The following CHRM5 variants were observed in gnomAD, a reference collection of about 807,000 sequenced individuals.
CHRM5 encodes cholinergic receptor muscarinic 5.
CHRM5 carries 18 observed loss-of-function variants against 39.0 expected under a neutral mutation model. The ratio of observed to expected loss-of-function variants is 0.46; its 90% confidence interval spans 0.32 to 0.68. CHRM5 has a LOEUF of 0.68. Ranked by LOEUF, CHRM5 falls within the 30% of genes least tolerant of loss-of-function variation. The probability of loss-of-function intolerance (pLI) is 0.04; values close to 1 mark genes in which losing one functional copy is unlikely to be tolerated. For missense variants in CHRM5, 515 were observed against 651.1 expected, an observed-to-expected ratio of 0.79 and a Z score of 2.28; for synonymous variants, 241 against 246.3, an observed-to-expected ratio of 0.98 and a Z score of 0.20.
chr15:34,054,361 A>T (rs1364170528), intron 2 of CHRM5, among the ~76,000 whole-genome samples: 1 of 152,200 alleles, frequency 6.6e-6, no homozygotes, highest in Admixed American at 6.5e-5. Flanking sequence ...TCATTCTATC[A>T]TAAAGATACA....
At chr15:34,059,964 A>G (rs1399039858) in intron 2 of CHRM5, among the ~76,000 whole-genome samples, 3 of 151,976 alleles carry the variant, frequency 2.0e-5, no homozygotes, top group Admixed American at 2.0e-4. Flanking sequence ...AAACATTCAA[A>G]TATTTAAGAG....
intron 1 of CHRM5, among the ~76,000 whole-genome samples, chr15:34,008,950 G>GCACACA (rs1491109996): frequency 2.5e-4 from 6 of 23,554 alleles, no homozygotes; most frequent in South Asian, 1.5e-3. Context: ...ACACGTGCGC[G>GCACACA]CGCGCACACA....
At position 33,969,763 on chromosome 15, in the gene CHRM5, C is replaced by T. The variant is rs889498823; in HGVS notation, c.-408+613C>T. ...ACTAAATGAAGACATTTTTCTGATT[C>T]AACAAGAGGATAAAAAGATGAAAGA... is the stretch of plus-strand genomic sequence containing the variant. On this transcript the variant is annotated intron_variant, in intron 1 of 2. Coordinates refer to ENST00000383263, the MANE Select transcript of CHRM5 (RefSeq NM_012125.4). Among the ~76,000 whole-genome samples, 5 of 151,908 alleles carry T rather than the reference C, an allele frequency of 3.3e-5. No homozygotes were observed. In the East Asian group the frequency reaches 9.6e-4, roughly 29 times the overall value.
At chr15:34,038,995 C>T (rs781316039) in intron 1 of CHRM5, 17 of 1,118,462 alleles carry the variant, frequency 1.5e-5, no homozygotes, top group South Asian at 1.1e-4. Flanking sequence ...CCAGGCCGGC[C>T]GCGGCCTGGC....
chr15:33,995,735 T>TA lies in CHRM5; in HGVS notation c.-408+26589dup, dbSNP rs1896905160. Among the ~76,000 whole-genome samples, 3 of 152,342 alleles carry TA rather than the reference T, an allele frequency of 2.0e-5. No homozygotes were observed. The South Asian group carries it at 6.2e-4, about 32-fold the overall frequency. On this transcript the variant is annotated intron_variant, in intron 1 of 2. Transcript: ENST00000383263. ...TGGGACATTATATCATTTGGGTTTT[T>TA]AAAATGCTGCTGCAGCTCCCAGCGT... is the stretch of plus-strand genomic sequence containing the variant.
chr15:34,029,963 T>C (rs945588384), intron 1 of CHRM5, among the ~76,000 whole-genome samples: 1 of 152,042 alleles, frequency 6.6e-6, no homozygotes, highest in Admixed American at 6.6e-5. Context: ...AATAGAACTA[T>C]AAATTCCAAG....
chr15:34,047,873 C>T (rs1302584013), intron 2 of CHRM5, among the ~76,000 whole-genome samples: 1 of 152,134 alleles, frequency 6.6e-6, no homozygotes, highest in Non-Finnish European at 1.5e-5. Flanking sequence ...CTCAGCCTCC[C>T]GCACCCTGTT....
intron 1 of CHRM5, among the ~76,000 whole-genome samples, chr15:33,975,564 T>C (rs1895847230): frequency 6.6e-6 from 1 of 152,108 alleles, no homozygotes; most frequent in Non-Finnish European, 1.5e-5. Context: ...CAAGAAAGCA[T>C]AGAAACAAAA....
chr15:34,000,999 G>A lies in CHRM5; in HGVS notation c.-408+31849G>A, dbSNP rs868575532. Among the ~76,000 whole-genome samples, 13 of 151,568 alleles carry A rather than the reference G, an allele frequency of 8.6e-5. 1 individual carries two copies. The South Asian group carries it at 1.9e-3, about 22-fold the overall frequency. On this transcript the variant is annotated intron_variant, in intron 1 of 2. Transcript: ENST00000383263. ...ACCAAAATCATAAACCAGAGGACAGGCCTGCTAGGTTGGACTAGAATTTTT... is the reference window on the plus strand; with the variant it reads ...ACCAAAATCATAAACCAGAGGACAGACCTGCTAGGTTGGACTAGAATTTTT...
At chr15:34,059,696 G>C (rs57205845) in intron 2 of CHRM5, among the ~76,000 whole-genome samples, 24,354 of 152,026 alleles carry the variant, frequency 0.16, 2,398 homozygotes, top group South Asian at 0.27. Flanking sequence ...TCTGGCACTA[G>C]CATCCCCAGC....
At chr15:33,971,179 CCT>C (rs1895622725) in intron 1 of CHRM5, among the ~76,000 whole-genome samples, 1 of 151,992 alleles carries the variant, frequency 6.6e-6, no homozygotes, top group South Asian at 2.1e-4. Flanking sequence ...ACAACTTTTC[CCT>C]GTTATTGATA....
rs139260673 is a variant in CHRM5 at position 34,063,962 on chromosome 15, G to A, written c.1245G>A (p.Thr415=). ...CPFPVAKEPS[T]KGLNPNPSHQ... is the part of the protein sequence containing the mutation. ...TCCCAGTGGCCAAGGAACCTTCAAC[G>A]AAAGGCCTCAATCCCAACCCCAGCC... The change falls in exon 3 of 3, where the codon ACG becomes ACA. Residue 415 remains threonine (T), a synonymous_variant. Transcript: ENST00000383263. This position sits in a 1 kb window ranked among gnomAD's most constrained non-coding sequence, Gnocchi z 4.1. 62 of 1,614,100 alleles carry A rather than the reference G, an allele frequency of 3.8e-5. No individual in the cohort carries two copies. In the African/African-American group the frequency reaches 5.7e-4, roughly 15 times the overall value.
chr15:34,051,317 A>G (rs1002616934), intron 2 of CHRM5, among the ~76,000 whole-genome samples: 7 of 152,310 alleles, frequency 4.6e-5, no homozygotes, highest in Admixed American at 3.9e-4. Flanking sequence ...CAAAGTACCA[A>G]AATTTCTGGG....
At chr15:34,049,010 ACAACAT>A (rs1899831379) in intron 2 of CHRM5, among the ~76,000 whole-genome samples, 1 of 152,194 alleles carries the variant, frequency 6.6e-6, no homozygotes, top group African/African-American at 2.4e-5. Flanking sequence ...ACAGAAAACA[ACAACAT>A]CAACAGAAAA....
rs1169183971 is a variant in CHRM5 at position 34,008,257 on chromosome 15, C to A, written c.-407-38283C>A. ...GCAACATAGCAAGACCCTATCTCCA[C>A]GAAAAAGATAAAAATTAGCCAGGTA... On this transcript the variant is annotated intron_variant, in intron 1 of 2. Transcript: ENST00000383263. Among the ~76,000 whole-genome samples, 8 of 151,690 alleles carry A rather than the reference C, an allele frequency of 5.3e-5. No homozygotes were observed. In the East Asian group the frequency reaches 1.4e-3, roughly 26 times the overall value.
chr15:34,045,026 C>T (rs947522571), intron 1 of CHRM5, among the ~76,000 whole-genome samples: 17 of 151,942 alleles, frequency 1.1e-4, no homozygotes, highest in South Asian at 2.1e-4. Flanking sequence ...CCAGCCTGGG[C>T]GACAGAGCGA....
chr15:34,017,937 C>T (rs537284265), intron 1 of CHRM5, among the ~76,000 whole-genome samples: 1 of 152,294 alleles, frequency 6.6e-6, no homozygotes, highest in South Asian at 2.1e-4. Context: ...CAGCATTATT[C>T]ACAGGTCTGT....
chr15:33,969,900 A>G (rs1442311842), intron 1 of CHRM5, among the ~76,000 whole-genome samples: 1 of 152,058 alleles, frequency 6.6e-6, no homozygotes, highest in African/African-American at 2.4e-5. Flanking sequence ...AGTGCCTTTA[A>G]GAAATTCCCT....
intron 1 of CHRM5, among the ~76,000 whole-genome samples, chr15:34,015,751 C>G (rs1897874244): frequency 6.6e-6 from 1 of 152,172 alleles, no homozygotes; most frequent in Non-Finnish European, 1.5e-5. Flanking sequence ...TGACACGTCT[C>G]ACACGGATCT....
Sources: allele counts gnomAD v4.1 joint callset (sites outside exome capture counted in the v4.1 genomes callset), GRCh38; gene constraint gnomAD v4.1.1; non-coding constraint Gnocchi (gnomAD v3.1); transcripts MANE v1.5; gene names NCBI Gene and HGNC (gene_info 2026-07-23, HGNC 2026-07-21).